ECE1: variants seen among roughly 807,000 people sequenced by gnomAD.
The protein encoded by ECE1 is endothelin-converting enzyme 1.
A neutral mutation model predicts 98.6 loss-of-function variants in ECE1; 35 were observed. That is an observed-to-expected ratio of 0.35 (90% CI 0.27 to 0.47). ECE1 has a LOEUF of 0.47. Ranked by LOEUF, ECE1 falls within the 20% of genes least tolerant of loss-of-function variation. The pLI is 1.00. For synonymous variants in ECE1, 394 were observed against 407.1 expected, an observed-to-expected ratio of 0.97 and a Z score of 0.39; for missense variants, 814 against 1,025.3, an observed-to-expected ratio of 0.79 and a Z score of 2.81.
In ECE1 at chr1:21,345,316, G is replaced by C; in HGVS notation, c.3+60C>G. The C allele has an allele frequency of 7.5e-7, 1 of 1,338,606 alleles. No individual in the cohort carries two copies. Among genetic ancestry groups the C allele is most frequent in the Non-Finnish European group, 9.6e-7 (1 of 1,036,688 alleles). The allele number at this position is 1,338,606 out of a possible 1,614,324, so 82.9% of individuals were successfully genotyped here. A position where few individuals can be genotyped will look rare whatever the true frequency, so the allele number is the denominator to read the frequency against. On this transcript the variant is annotated intron_variant, in intron 1 of 18. Transcript: ENST00000415912. The surrounding 1 kb of genome is among the most constrained non-coding windows in gnomAD (Gnocchi z 5.1). ...GGCCCCGGGTGCCACCCGCGGCACC[G>C]CTGCCCGCGACCGTCGAGGCTGGGC...
chr1:21,231,532 G>A (rs2098181739), intron 14 of ECE1, among the ~76,000 whole-genome samples: 1 of 152,022 alleles, frequency 6.6e-6, no homozygotes, highest in African/African-American at 2.4e-5. Flanking sequence ...AGTAGAGACG[G>A]GATTTCACCA....
At position 21,263,354 on chromosome 1, in the gene ECE1, T is replaced by C. The variant is rs573951340; in HGVS notation, c.494-2962A>G. 8.4e-3 allele frequency among the ~76,000 whole-genome samples: 1,039 copies of C among 123,134 alleles called. 11 individuals carry two copies. The highest frequency in any genetic ancestry group is 0.028 in the African/African-American group (944 of 34,314). 80.8% of individuals were successfully genotyped at this position (123,134 alleles called of 152,430 possible). A position where few individuals can be genotyped will look rare whatever the true frequency, so the allele number is the denominator to read the frequency against. On this transcript the variant is annotated intron_variant, in intron 4 of 18. Transcript: ENST00000374893. ...ATGCCCACCTAAGGTTTCCTTTTTT[T>C]ATATTTATTTTTTTTTTTTTTGAGA... is the stretch of plus-strand genomic sequence containing the variant.
chr1:21,243,749 G>A (rs2098199605), intron 10 of ECE1, among the ~76,000 whole-genome samples: 1 of 152,222 alleles, frequency 6.6e-6, no homozygotes. Flanking sequence ...TCTAACCCAG[G>A]GCCAGTCCAA....
chr1:21,223,707 A>C (rs1208309224), intron 17 of ECE1, among the ~76,000 whole-genome samples: 2 of 151,664 alleles, frequency 1.3e-5, no homozygotes, highest in African/African-American at 4.8e-5. Flanking sequence ...ATCGTGATCC[A>C]CCCACCAAGG....
chr1:21,255,836 G>T, intron 8 of ECE1, 111 bp downstream of exon 8: 1 of 1,205,148 alleles, frequency 8.3e-7, no homozygotes. Context: ...TCCTTCCTTT[G>T]TCACATAGTT....
chr1:21,281,687 T>TTTTGTTTTGC (rs761293111), intron 2 of ECE1, among the ~76,000 whole-genome samples: 7 of 151,504 alleles, frequency 4.6e-5, no homozygotes, highest in Non-Finnish European at 8.9e-5. Context: ...TGAGACAGTG[T>TTTTGTTTTGC]TTTGTTTTGT....
At chr1:21,236,600 G>A in intron 12 of ECE1, 146 bp downstream of exon 12, 4 of 788,564 alleles carry the variant, frequency 5.1e-6, no homozygotes, top group Non-Finnish European at 8.6e-6. Context: ...GGTGAGCCAA[G>A]ATCGCACCAT....
chr1:21,229,691 T>G (rs2098179270), intron 14 of ECE1, among the ~76,000 whole-genome samples: 1 of 152,174 alleles, frequency 6.6e-6, no homozygotes, highest in Non-Finnish European at 1.5e-5. Context: ...AGGTCAGCAG[T>G]GATATTAACA....
At chr1:21,246,769 A>G (rs2098204226) in intron 9 of ECE1, among the ~76,000 whole-genome samples, 1 of 152,004 alleles carries the variant, frequency 6.6e-6, no homozygotes, top group African/African-American at 2.4e-5. Flanking sequence ...AGATCCTTCC[A>G]CTTCAGCCTC....
chr1:21,303,181 C>T (rs1436955602), intron 1 of ECE1, among the ~76,000 whole-genome samples: 1 of 152,244 alleles, frequency 6.6e-6, no homozygotes, highest in Non-Finnish European at 1.5e-5. Flanking sequence ...AGGGCAATCC[C>T]AGCAGGGTGG....
intron 17 of ECE1, among the ~76,000 whole-genome samples, chr1:21,224,353 C>T (rs1404747616): frequency 2.0e-5 from 3 of 152,130 alleles, no homozygotes; most frequent in African/African-American, 4.8e-5. Context: ...GCCTTTCTTC[C>T]CCTTCCAGCC....
intron 12 of ECE1, 146 bp downstream of exon 12, chr1:21,236,600 G>C: frequency 1.3e-6 from 1 of 788,564 alleles, no homozygotes; most frequent in Non-Finnish European, 2.2e-6. Context: ...GGTGAGCCAA[G>C]ATCGCACCAT....
chr1:21,274,656 TGGGCAGA>T (rs1439752706), intron 3 of ECE1, among the ~76,000 whole-genome samples: 2 of 152,172 alleles, frequency 1.3e-5, no homozygotes, highest in Non-Finnish European at 1.5e-5. Flanking sequence ...ATAAGGCCAG[TGGGCAGA>T]GGTTCATTTG....
intron 4 of ECE1, among the ~76,000 whole-genome samples, chr1:21,271,260 T>A (rs929675567): frequency 6.6e-6 from 1 of 152,184 alleles, no homozygotes; most frequent in African/African-American, 2.4e-5. Context: ...GGCTCTGCTC[T>A]GTGGGGCTGG....
chr1:21,262,608 C>G (rs1050828041), intron 4 of ECE1, among the ~76,000 whole-genome samples: 7 of 152,236 alleles, frequency 4.6e-5, no homozygotes, highest in Admixed American at 1.3e-4. Context: ...TCTCCCTCCC[C>G]CAAGGCCACA....
Position 21,290,093 on chromosome 1 carries a change from C to T in ECE1, c.115G>A (p.Asp39Asn). 3.2e-6 allele frequency: 5 copies of T among 1,541,662 alleles called. No homozygotes were observed. Among genetic ancestry groups the T allele is most frequent in the African/African-American group, 1.4e-5 (1 of 70,560 alleles). Residue 39 changes from aspartate to asparagine, a missense_variant, in exon 2 of 19, where the codon GAC (aspartate) becomes AAC (asparagine). Coordinates refer to ENST00000374893, the MANE Select transcript of ECE1 (RefSeq NM_001397.3). The surrounding 1 kb of genome is among the most constrained non-coding windows in gnomAD (Gnocchi z 7.3). ...EDLVDSLSEG[D>N]AYPNGLQVNF... ...ACCTGCAGGCCGTTGGGGTATGCGT[C>T]GCCCTCGGAGAGCGAGTCCACCAGG... is the stretch of plus-strand genomic sequence containing the variant.
At chr1:21,311,272 T>C (rs1175950560) in intron 1 of ECE1, among the ~76,000 whole-genome samples, 1 of 152,098 alleles carries the variant, frequency 6.6e-6, no homozygotes, top group Non-Finnish European at 1.5e-5. Flanking sequence ...TTGCCCAACA[T>C]GCAGGAATGT....
Position 21,259,514 on chromosome 1 carries a change from C to T in ECE1, c.616-675G>A, listed in dbSNP as rs553406737. ...CTCCTGGCTTCAAGTGATCCTCCTG[C>T]CTCAGCCTCCCGAGAAAGTTGGGAT... On this transcript the variant is annotated intron_variant, in intron 5 of 18. Transcript: ENST00000374893. 4.6e-5 allele frequency among the ~76,000 whole-genome samples: 7 copies of T among 152,240 alleles called. No individual in the cohort carries two copies. In the South Asian group the frequency reaches 1.2e-3, roughly 27 times the overall value.
rs190451542 is a variant in ECE1 at position 21,249,867 on chromosome 1, G to A, written c.1021-2504C>T. Among the ~76,000 whole-genome samples the A allele has an allele frequency of 1.4e-3, 218 of 151,990 alleles. 2 individuals are homozygous for A. Among genetic ancestry groups the A allele is most frequent in the African/African-American group, 4.4e-3 (182 of 41,430 alleles). ...CAGCTCATTGCAACCTCCGCCTCCC[G>A]GGTTCAAGTGATTCTCCTGTCCCAG... On this transcript the variant is annotated intron_variant, in intron 8 of 18. Transcript: ENST00000374893.
Sources: gnomAD v4.1 joint callset for allele counts (sites outside exome capture counted in the v4.1 genomes callset) on GRCh38, gnomAD v4.1.1 for gene constraint, Gnocchi (gnomAD v3.1) non-coding constraint, MANE v1.5 for transcripts, NCBI Gene and HGNC (gene_info 2026-07-23, HGNC 2026-07-21) for gene names.